The following TFEC variants were observed in gnomAD, a reference collection of about 807,000 sequenced individuals.
TFEC encodes class E basic helix-loop-helix protein 34.
Under a neutral mutation model 41.6 loss-of-function variants are expected in TFEC, and 31 were observed. That is an observed-to-expected ratio of 0.74 (90% CI 0.56 to 1.01). The LOEUF (loss-of-function observed/expected upper bound fraction) is 1.01, where lower values mean the gene tolerates loss of function less well. Ranked by LOEUF, TFEC falls within the 50% of genes least tolerant of loss-of-function variation. The probability of loss-of-function intolerance (pLI) is 0.00; values close to 1 mark genes in which losing one functional copy is unlikely to be tolerated. For synonymous variants in TFEC, 143 were observed against 140.6 expected (o/e 1.02, Z -0.12); for missense variants, 402 against 404.1 (o/e 0.99, Z 0.04).
chr7:115,993,463 A>G (rs202050842), intron 1 of TFEC, among the ~76,000 whole-genome samples: 2 of 152,250 alleles, frequency 1.3e-5, no homozygotes, highest in East Asian at 1.9e-4. Context: ...AAACCCCATC[A>G]TCTCAGCCCA....
chr7:116,088,247 C>G (rs1298072041), intron 3 of TFEC, among the ~76,000 whole-genome samples: 7 of 152,128 alleles, frequency 4.6e-5, no homozygotes, highest in Non-Finnish European at 1.5e-5. Context: ...CTCCTCGTTA[C>G]TATAGAACTC....
intron 2 of TFEC, among the ~76,000 whole-genome samples, chr7:115,978,908 T>C (rs1793502702): frequency 6.6e-6 from 1 of 152,158 alleles, no homozygotes. Context: ...GCTATCACTC[T>C]CCTCACTGTA....
At chr7:116,045,551 T>A (rs1193641727) in intron 3 of TFEC, among the ~76,000 whole-genome samples, 2 of 152,220 alleles carry the variant, frequency 1.3e-5, no homozygotes, top group Non-Finnish European at 2.9e-5. Flanking sequence ...TTTGGGAACC[T>A]CTGCCTAGAT....
rs2130160080 is a variant in TFEC, at chr7:115,939,962, T to C, written c.*589A>G. 1 of 152,212 alleles carries C rather than the reference T, an allele frequency of 6.6e-6. No homozygotes were observed. The highest frequency in any genetic ancestry group is 1.9e-4 in the East Asian group (1 of 5,160). 9.4% of individuals were successfully genotyped at this position (152,212 alleles called of 1,614,324 possible). ...TAGTAACCAATGTTTTTATAAGTTA[T>C]CCATATTTTATTGTGGAAAATTCTC... On this transcript the variant is annotated 3_prime_UTR_variant, in exon 8 of 8. Transcript: ENST00000265440.
intron 3 of TFEC, among the ~76,000 whole-genome samples, chr7:115,972,579 C>T (rs957065496): frequency 4.6e-5 from 7 of 152,096 alleles, no homozygotes; most frequent in Non-Finnish European, 7.4e-5. Context: ...TTATGCTTTA[C>T]ATATAATAAG....
rs1012494809 is a variant in TFEC, at chr7:115,939,071, T to C, written c.*1480A>G. ...CTGCTGTTCCCATAAAGTTTGTCAG[T>C]CATTTTCATTTTCTCTGACCTTCTG... On this transcript the variant is annotated 3_prime_UTR_variant, in exon 8 of 8. Transcript: ENST00000265440. The C allele has an allele frequency of 5.3e-5, 8 of 152,190 alleles. No individual in the cohort carries two copies. Among genetic ancestry groups the C allele is most frequent in the African/African-American group, 1.9e-4 (8 of 41,570 alleles). The allele number at this position is 152,190 out of a possible 1,614,324, so 9.4% of individuals were successfully genotyped here.
intron 1 of TFEC, among the ~76,000 whole-genome samples, chr7:115,990,612 C>G (rs1794065362): frequency 6.6e-6 from 1 of 151,762 alleles, no homozygotes; most frequent in Admixed American, 6.6e-5. Context: ...CTGATTTGAT[C>G]AAGTGGAAGA....
chr7:116,116,333 A>C (rs1352640772), intron 1 of TFEC, among the ~76,000 whole-genome samples: 1 of 151,926 alleles, frequency 6.6e-6, no homozygotes, highest in Non-Finnish European at 1.5e-5. Flanking sequence ...ATGAACTTTC[A>C]TGTGAAGGAG....
chr7:116,056,669 T>C (rs1584462071), intron 3 of TFEC, among the ~76,000 whole-genome samples: 1 of 152,230 alleles, frequency 6.6e-6, no homozygotes, highest in African/African-American at 2.4e-5. Context: ...CTTAAACACC[T>C]GACCCAAAAG....
At chr7:115,989,466 A>G (rs1464219901) in intron 1 of TFEC, among the ~76,000 whole-genome samples, 5 of 152,208 alleles carry the variant, frequency 3.3e-5, no homozygotes, top group Non-Finnish European at 7.3e-5. Flanking sequence ...CCCGGGAAGC[A>G]TAAGGGGTCG....
intron 3 of TFEC, among the ~76,000 whole-genome samples, chr7:115,961,713 A>C (rs1436055004): frequency 6.6e-6 from 1 of 151,792 alleles, no homozygotes; most frequent in Non-Finnish European, 1.5e-5. Flanking sequence ...AGTACATTAG[A>C]TTTAAAAGGT....
chr7:116,047,221 T>G (rs1796188983), intron 3 of TFEC, among the ~76,000 whole-genome samples: 1 of 151,954 alleles, frequency 6.6e-6, no homozygotes, highest in Admixed American at 6.6e-5. Context: ...ACCCGGGAAG[T>G]GCAAGGGGTC....
chr7:115,968,949 C>T (rs1471243205), intron 3 of TFEC, among the ~76,000 whole-genome samples: 1 of 151,798 alleles, frequency 6.6e-6, no homozygotes, highest in Non-Finnish European at 1.5e-5. Context: ...TAGTTTTTCA[C>T]TAAAAGTATT....
intron 6 of TFEC, among the ~76,000 whole-genome samples, chr7:115,942,273 G>C (rs1401434673): frequency 6.6e-6 from 1 of 151,952 alleles, no homozygotes; most frequent in Non-Finnish European, 1.5e-5. Flanking sequence ...GTGACTTTTT[G>C]TGGGAGAGCT....
Position 116,004,224 on chromosome 7 carries a change from C to T in TFEC, c.-72-19711G>A, listed in dbSNP as rs73218441. Among the ~76,000 whole-genome samples, 143 of 151,966 alleles carry T rather than the reference C, an allele frequency of 9.4e-4. 1 individual carries two copies. The highest frequency in any genetic ancestry group is 1.5e-3 in the Non-Finnish European group (104 of 67,908). Reference sequence around the variant, plus strand: ...TGAAAAGATCAATAAAATTAATAAGCCTCTAGCTAACTAAGAAAGTTAACT... The same window carrying T: ...TGAAAAGATCAATAAAATTAATAAGTCTCTAGCTAACTAAGAAAGTTAACT... On this transcript the variant is annotated intron_variant, in intron 1 of 7. Coordinates refer to ENST00000265440, the MANE Select transcript of TFEC (RefSeq NM_012252.4).
At chr7:116,023,599 G>A (rs889915853) in intron 1 of TFEC, among the ~76,000 whole-genome samples, 4 of 152,134 alleles carry the variant, frequency 2.6e-5, no homozygotes, top group African/African-American at 9.7e-5. Context: ...CCCTCAGAGG[G>A]TGTAATCTAA....
chr7:115,990,518 C>G (rs540949833), intron 1 of TFEC, among the ~76,000 whole-genome samples: 57 of 152,274 alleles, frequency 3.7e-4, no homozygotes, highest in African/African-American at 1.2e-3. Flanking sequence ...CTAGAATGAA[C>G]AGCATAGAGA....
At chr7:116,037,287 T>C (rs1364399777) in intron 3 of TFEC, among the ~76,000 whole-genome samples, 2 of 152,046 alleles carry the variant, frequency 1.3e-5, no homozygotes, top group South Asian at 2.1e-4. Flanking sequence ...TCATTATTTA[T>C]GAAAACTTCT....
Position 116,040,244 on chromosome 7 carries a change from A to G in TFEC, c.199-55731T>C, listed in dbSNP as rs531387987. Among the ~76,000 whole-genome samples the G allele has an allele frequency of 3.3e-5, 5 of 152,306 alleles. No individual in the cohort carries two copies. In the East Asian group the frequency reaches 9.6e-4, roughly 29 times the overall value. Reference sequence around the variant, plus strand: ...CACCAAATCCCAAGAAAATGATTGCATTGGAAGGAATATTCTTTTTGTTTT... The same window carrying G: ...CACCAAATCCCAAGAAAATGATTGCGTTGGAAGGAATATTCTTTTTGTTTT... On this transcript the variant is annotated intron_variant, in intron 3 of 8. Coordinates refer to the TFEC transcript ENST00000484212.
Sources: allele counts gnomAD v4.1 joint callset (sites outside exome capture counted in the v4.1 genomes callset), GRCh38; gene constraint gnomAD v4.1.1; transcripts MANE v1.5; gene names NCBI Gene and HGNC (gene_info 2026-07-23, HGNC 2026-07-21).